The following CYP2J2 variants were observed in gnomAD, a reference collection of about 807,000 sequenced individuals.
CYP2J2 encodes the protein cytochrome P450 family 2 subfamily J member 2.
Under a neutral mutation model 48.8 loss-of-function variants are expected in CYP2J2, and 41 were observed. The observed-to-expected ratio is 0.84, with a 90% CI of 0.66 to 1.09. The LOEUF (loss-of-function observed/expected upper bound fraction) is 1.09, where lower values mean the gene tolerates loss of function less well. CYP2J2 is among the 50% of genes least tolerant of loss of function. The pLI is 0.00. For synonymous variants in CYP2J2, 221 were observed against 227.1 expected, an observed-to-expected ratio of 0.97 and a Z score of 0.24; for missense variants, 644 against 617.3, an observed-to-expected ratio of 1.04 and a Z score of -0.46.
At chr1:59,894,618 T>C (rs1230094128) in intron 8 of CYP2J2, among the ~76,000 whole-genome samples, 2 of 152,208 alleles carry the variant, frequency 1.3e-5, no homozygotes, top group African/African-American at 4.8e-5. Context: ...AGTGAAAATG[T>C]ACATTGTGCA....
At chr1:59,910,048 CTCTTT>C (rs1273890016) in intron 4 of CYP2J2, 88 bp from the exon 5 acceptor site, 1 of 1,037,908 alleles carries the variant, frequency 9.6e-7, no homozygotes. Context: ...CTCTTTCCGT[CTCTTT>C]TATTTGCTCA....
intron 1 of CYP2J2, among the ~76,000 whole-genome samples, chr1:59,921,446 C>T (rs545100106): frequency 6.6e-6 from 1 of 152,114 alleles, no homozygotes; most frequent in East Asian, 1.9e-4. Context: ...TTTCACATCA[C>T]CAAGATTCCT....
the CYP2J2 span, among the ~76,000 whole-genome samples, chr1:59,940,935 G>A: frequency 1.2e-4 from 18 of 152,140 alleles, no homozygotes; most frequent in African/African-American, 1.7e-4. Flanking sequence ...AAAAGTTGAC[G>A]TTATGGAAGT....
the CYP2J2 span, among the ~76,000 whole-genome samples, chr1:59,955,308 A>G: frequency 1.6e-5 from 2 of 122,984 alleles, no homozygotes; most frequent in African/African-American, 3.0e-5. Flanking sequence ...ATATATATCC[A>G]TATATATCCA....
chr1:59,908,725 G>T (rs773475726), intron 5 of CYP2J2, among the ~76,000 whole-genome samples: 1 of 152,178 alleles, frequency 6.6e-6, no homozygotes, highest in Non-Finnish European at 1.5e-5. Context: ...CCAGAAGTAG[G>T]ACCCAATTCC....
intron 7 of CYP2J2, among the ~76,000 whole-genome samples, chr1:59,903,932 A>C (rs1486032741): frequency 6.6e-6 from 1 of 152,184 alleles, no homozygotes; most frequent in Non-Finnish European, 1.5e-5. Context: ...TTCTGAGTAA[A>C]CTTACTCTGA....
At chr1:59,945,450 C>G in the CYP2J2 span, among the ~76,000 whole-genome samples, 1 of 152,052 alleles carries the variant, frequency 6.6e-6, no homozygotes, top group East Asian at 1.9e-4. Flanking sequence ...ATCTCTCTAT[C>G]TATCTATGTA....
chr1:59,962,037 G>C, the CYP2J2 span, among the ~76,000 whole-genome samples: 1 of 151,996 alleles, frequency 6.6e-6, no homozygotes, highest in East Asian at 1.9e-4. Flanking sequence ...TCTAAAAATA[G>C]ATTATGGTGA....
chr1:59,960,818 G>A, the CYP2J2 span, among the ~76,000 whole-genome samples: 2 of 152,262 alleles, frequency 1.3e-5, no homozygotes, highest in East Asian at 3.9e-4. Context: ...ACTCCAGCCT[G>A]GGTGGAGCAA....
Position 59,912,293 on chromosome 1 carries a change from C to T in CYP2J2, c.392G>A (p.Gly131Asp), listed in dbSNP as rs112540103. The T allele has an allele frequency of 6.8e-6, 11 of 1,613,218 alleles. No homozygotes were observed. The African/African-American group carries it at 1.2e-4, about 18-fold the overall frequency. ...CCTTCTTTGCTCCTTCCATGCCTGG[C>T]CACTTGACATAATCAATCCTGGGAA... Reference protein sequence around the residue: ...FKKNGLIMSSGQAWKEQRRFT... With the variant: ...FKKNGLIMSSDQAWKEQRRFT... The change falls in exon 3 of 9, where the codon GGC becomes GAC. Residue 131 changes from glycine (G) to aspartate (D), a missense_variant. Physicochemically the swap from Gly to Asp is moderately conservative, Grantham distance 94. Transcript: ENST00000371204.
At chr1:59,897,355 C>T (rs1015446578) in intron 8 of CYP2J2, among the ~76,000 whole-genome samples, 9 of 152,192 alleles carry the variant, frequency 5.9e-5, no homozygotes, top group Admixed American at 3.3e-4. Context: ...CATTCATTCT[C>T]GCAAAACTAA....
the CYP2J2 span, among the ~76,000 whole-genome samples, chr1:59,936,557 G>A: frequency 6.6e-6 from 1 of 152,052 alleles, no homozygotes; most frequent in African/African-American, 2.4e-5. Context: ...TTTCCTTGGG[G>A]TGCCGTCTCT....
At chr1:59,953,837 A>G in the CYP2J2 span, among the ~76,000 whole-genome samples, 1 of 152,162 alleles carries the variant, frequency 6.6e-6, no homozygotes, top group Non-Finnish European at 1.5e-5. Context: ...GGTAGTAGTA[A>G]GGGTCATATC....
chr1:59,932,362 T>C, the CYP2J2 span, among the ~76,000 whole-genome samples: 3 of 152,176 alleles, frequency 2.0e-5, no homozygotes, highest in Non-Finnish European at 4.4e-5. Flanking sequence ...TATAAAATAA[T>C]ATCTAAATTG....
At chr1:59,943,719 G>A in the CYP2J2 span, among the ~76,000 whole-genome samples, 7 of 152,084 alleles carry the variant, frequency 4.6e-5, no homozygotes, top group Non-Finnish European at 1.0e-4. Flanking sequence ...GGGAAAGAAG[G>A]GAAAGTCCGA....
At chr1:59,939,267 G>A in the CYP2J2 span, among the ~76,000 whole-genome samples, 8 of 152,160 alleles carry the variant, frequency 5.3e-5, no homozygotes, top group Non-Finnish European at 1.2e-4. Flanking sequence ...CTTAGATGTT[G>A]TAATTGTAGC....
chr1:59,943,426 T>C, the CYP2J2 span, among the ~76,000 whole-genome samples: 1 of 152,232 alleles, frequency 6.6e-6, no homozygotes, highest in Non-Finnish European at 1.5e-5. Flanking sequence ...TCTGGGCACA[T>C]AGATTTCTTG....
the CYP2J2 span, among the ~76,000 whole-genome samples, chr1:59,939,846 C>T: frequency 2.0e-5 from 3 of 152,166 alleles, no homozygotes; most frequent in African/African-American, 7.2e-5. Context: ...AGCCTTATCC[C>T]ATGGCCACCG....
intron 8 of CYP2J2, among the ~76,000 whole-genome samples, chr1:59,895,427 C>T (rs554838805): frequency 7.7e-4 from 117 of 152,276 alleles, no homozygotes; most frequent in African/African-American, 2.7e-3. Flanking sequence ...CTGTATTCTT[C>T]TCATTTTATA....
Sources: gnomAD v4.1 joint callset for allele counts (sites outside exome capture counted in the v4.1 genomes callset) on GRCh38, gnomAD v4.1.1 for gene constraint, MANE v1.5 for transcripts, NCBI Gene and HGNC (gene_info 2026-07-23, HGNC 2026-07-21) for gene names.